The following TENM2 variants were observed in gnomAD, a reference collection of about 807,000 sequenced individuals.
The protein encoded by TENM2 is teneurin-2.
A neutral mutation model predicts 245.2 loss-of-function variants in TENM2; 52 were observed. The ratio of observed to expected loss-of-function variants is 0.21; its 90% confidence interval spans 0.17 to 0.27. The LOEUF (loss-of-function observed/expected upper bound fraction) is 0.27. Among genes scored for constraint, TENM2 ranks in the 10% least tolerant of loss-of-function variants. TENM2 has a pLI of 1.00. For synonymous variants in TENM2, 1,363 were observed against 1,438.9 expected (o/e 0.95, Z 1.19); for missense variants, 3,046 against 3,666.8 (o/e 0.83, Z 4.37).
rs191489532 is a variant in TENM2 at position 168,177,378 on chromosome 5, G to A, written c.2570-12959G>A. ...CTGGTGTGATTATTTTTATTTTACA[G>A]ATGAAGGAACCAAGACTCAGAGAGG... On this transcript the variant is annotated intron_variant, in intron 13 of 28. Coordinates refer to ENST00000518659, the Ensembl canonical transcript of TENM2. Among the ~76,000 whole-genome samples, 20 of 152,288 alleles carry A rather than the reference G, an allele frequency of 1.3e-4. No homozygotes were observed. The East Asian group carries it at 3.1e-3, about 24-fold the overall frequency.
At chr5:168,251,506 G>A (rs1451142744) in intron 27 of TENM2, among the ~76,000 whole-genome samples, 3 of 152,188 alleles carry the variant, frequency 2.0e-5, no homozygotes, top group Non-Finnish European at 4.4e-5. Context: ...GGGAGCCAAG[G>A]GAGAGAAGGA....
intron 4 of TENM2, among the ~76,000 whole-genome samples, chr5:167,964,551 C>T: frequency 6.6e-6 from 1 of 152,176 alleles, no homozygotes; most frequent in Non-Finnish European, 1.5e-5. Flanking sequence ...AAAACAAAAC[C>T]TCTGTCCTTA....
chr5:167,044,025 AT>A, the TENM2 span, among the ~76,000 whole-genome samples: 1 of 101,750 alleles, frequency 9.8e-6, no homozygotes, highest in African/African-American at 3.6e-5. Context: ...TCTCAAATAA[AT>A]AGTAAGGACA....
intron 3 of TENM2, among the ~76,000 whole-genome samples, chr5:167,910,622 C>G (rs1403953542): frequency 6.6e-6 from 1 of 152,204 alleles, no homozygotes; most frequent in Non-Finnish European, 1.5e-5. Context: ...ACTTATACCT[C>G]AGTTCTTATT....
At chr5:168,231,791 A>AC (rs1184962905) in intron 25 of TENM2, among the ~76,000 whole-genome samples, 1 of 152,166 alleles carries the variant, frequency 6.6e-6, no homozygotes. Context: ...AAAAAAAAAA[A>AC]AAAAGTTTAA....
At chr5:167,293,172 T>C (rs1214210914) in intron 1 of TENM2, among the ~76,000 whole-genome samples, 1 of 152,030 alleles carries the variant, frequency 6.6e-6, no homozygotes, top group Non-Finnish European at 1.5e-5. Flanking sequence ...TGAGAAATGT[T>C]ATTGAGATAA....
chr5:167,929,267 A>AAGGG (rs1406030245), intron 3 of TENM2, among the ~76,000 whole-genome samples: 1 of 151,076 alleles, frequency 6.6e-6, no homozygotes, highest in Admixed American at 6.6e-5. Flanking sequence ...GGAAGGAAGG[A>AAGGG]AGGGAGGGAG....
chr5:167,695,037 G>A (rs1364840991), intron 2 of TENM2, among the ~76,000 whole-genome samples: 1 of 152,120 alleles, frequency 6.6e-6, no homozygotes, highest in African/African-American at 2.4e-5. Flanking sequence ...TTCCCAATGG[G>A]GTAAATATGT....
At chr5:168,214,754 C>T in intron 20 of TENM2, 1 of 515,792 alleles carries the variant, frequency 1.9e-6, no homozygotes, top group South Asian at 1.5e-5. Context: ...CTTACAAAAA[C>T]AGGATCGGAG....
At position 168,053,534 on chromosome 5, in the gene TENM2, C is replaced by G. The variant is rs138534744; in HGVS notation, c.1309+5985C>G. Among the ~76,000 whole-genome samples, 204 of 152,210 alleles carry G rather than the reference C, an allele frequency of 1.3e-3. 2 individuals carry two copies. The highest frequency in any genetic ancestry group is 4.7e-3 in the African/African-American group (196 of 41,532). On this transcript the variant is annotated intron_variant, in intron 6 of 28. Coordinates refer to ENST00000518659, the Ensembl canonical transcript of TENM2. ...CACGGGTATCCACAGATTCAACCAA[C>G]CTCAGATTGAAAATATTTGGAATAA...
intron 2 of TENM2, among the ~76,000 whole-genome samples, chr5:167,765,227 T>C (rs555435370): frequency 4.6e-5 from 7 of 152,176 alleles, no homozygotes; most frequent in Non-Finnish European, 1.0e-4. Flanking sequence ...AAAACTGACA[T>C]TATTGTCAAT....
At chr5:168,052,264 G>T (rs1369001127) in intron 6 of TENM2, among the ~76,000 whole-genome samples, 1 of 151,864 alleles carries the variant, frequency 6.6e-6, no homozygotes, top group Admixed American at 6.6e-5. Context: ...GGTGGTGGGT[G>T]CCTGTAGTCC....
At chr5:167,305,483 T>C (rs1420206071) in intron 1 of TENM2, among the ~76,000 whole-genome samples, 1 of 152,170 alleles carries the variant, frequency 6.6e-6, no homozygotes, top group Non-Finnish European at 1.5e-5. Flanking sequence ...GTCTTTTTTA[T>C]CAACCCTTCT....
intron 25 of TENM2, chr5:168,229,709 G>A (rs1445205250): frequency 1.3e-5 from 2 of 152,132 alleles, no homozygotes; most frequent in Non-Finnish European, 1.5e-5. Flanking sequence ...GCCAGCCCAG[G>A]TGACCTCCCT....
intron 7 of TENM2, among the ~76,000 whole-genome samples, chr5:168,088,523 G>A (rs1028784091): frequency 2.6e-5 from 4 of 152,190 alleles, no homozygotes; most frequent in East Asian, 1.9e-4. Context: ...CTAGAACCAC[G>A]CACTGCTCGT....
the TENM2 span, among the ~76,000 whole-genome samples, chr5:167,034,611 C>T: frequency 1.8e-5 from 2 of 112,282 alleles, no homozygotes; most frequent in South Asian, 3.0e-4. Context: ...GCCTGGGCGA[C>T]AGAGCGAGAC....
At chr5:167,479,662 A>C (rs1014243811) in intron 2 of TENM2, among the ~76,000 whole-genome samples, 3 of 152,144 alleles carry the variant, frequency 2.0e-5, no homozygotes, top group African/African-American at 7.2e-5. Context: ...TTCACTTTTC[A>C]ATGTTTTCAT....
intron 2 of TENM2, among the ~76,000 whole-genome samples, chr5:167,535,328 G>A (rs771008760): frequency 2.0e-5 from 3 of 151,886 alleles, no homozygotes; most frequent in Non-Finnish European, 2.9e-5. Flanking sequence ...TGGGACCTTA[G>A]AGACAAGGAG....
chr5:167,132,304 A>G, the TENM2 span, among the ~76,000 whole-genome samples: 1 of 152,110 alleles, frequency 6.6e-6, no homozygotes, highest in South Asian at 2.1e-4. Context: ...ACTCTCTCCC[A>G]AAGGTGACCC....
Sources: gnomAD v4.1 joint callset for allele counts (sites outside exome capture counted in the v4.1 genomes callset) on GRCh38, gnomAD v4.1.1 for gene constraint, MANE v1.5 for transcripts, NCBI Gene and HGNC (gene_info 2026-07-23, HGNC 2026-07-21) for gene names.